Variants in RPS6KA3 observed in about 807,000 individuals in gnomAD.
The protein encoded by RPS6KA3 is ribosomal protein S6 kinase alpha-3.
Under a neutral mutation model 67.2 loss-of-function variants are expected in RPS6KA3, and 4 were observed. That is an observed-to-expected ratio of 0.06 (90% CI 0.03 to 0.14). The LOEUF (loss-of-function observed/expected upper bound fraction) is 0.14, where lower values mean the gene tolerates loss of function less well. Ranked by LOEUF, RPS6KA3 falls within the 10% of genes least tolerant of loss-of-function variation. RPS6KA3 has a pLI of 1.00. For missense variants in RPS6KA3, 204 were observed against 559.0 expected, an observed-to-expected ratio of 0.36 and a Z score of 6.40; for synonymous variants, 182 against 183.7, an observed-to-expected ratio of 0.99 and a Z score of 0.07.
At chrX:20,184,482 T>G (rs1869820649) in intron 10 of RPS6KA3, among the ~76,000 whole-genome samples, 1 of 106,476 alleles carries the variant, frequency 9.4e-6, no homozygotes, top group East Asian at 2.9e-4. Context: ...CAGGGCTCAC[T>G]GCAGTCTTGA....
At chrX:20,179,920 T>C (rs1429260815) in intron 10 of RPS6KA3, among the ~76,000 whole-genome samples, 2 of 108,937 alleles carry the variant, frequency 1.8e-5, no homozygotes, top group Admixed American at 2.0e-4. Flanking sequence ...CAAGATACCA[T>C]CTGTACAAAA....
At chrX:20,248,172 T>C (rs1434058352) in intron 1 of RPS6KA3, among the ~76,000 whole-genome samples, 2 of 112,382 alleles carry the variant, frequency 1.8e-5, no homozygotes, top group African/African-American at 6.5e-5. Context: ...TAATAAACCT[T>C]TTTAGTGGAT....
At chrX:20,178,184 C>T (rs1399628651) in intron 10 of RPS6KA3, among the ~76,000 whole-genome samples, 4 of 111,615 alleles carry the variant, frequency 3.6e-5, no homozygotes. Context: ...CATTAAGAGA[C>T]AAATGCAGAA....
intron 4 of RPS6KA3, among the ~76,000 whole-genome samples, chrX:20,201,899 G>C (rs896323289): frequency 2.8e-5 from 3 of 107,865 alleles, no homozygotes; most frequent in African/African-American, 1.0e-4. Flanking sequence ...TCCTAGATGT[G>C]TTAAGTTGTA....
intron 1 of RPS6KA3, chrX:20,240,674 A>C: frequency 6.8e-6 from 1 of 147,906 alleles, no homozygotes; most frequent in Non-Finnish European, 1.2e-5. Flanking sequence ...ATTATACTGA[A>C]AAATAGAAAA....
chrX:20,247,384 C>T (rs997892431), intron 1 of RPS6KA3, among the ~76,000 whole-genome samples: 4 of 111,521 alleles, frequency 3.6e-5, no homozygotes, highest in South Asian at 3.7e-4. Flanking sequence ...GAGCTGAGAT[C>T]GTGCCTCTAT....
chrX:20,233,397 T>C (rs1346143212), intron 2 of RPS6KA3, among the ~76,000 whole-genome samples: 1 of 110,756 alleles, frequency 9.0e-6, no homozygotes, highest in Non-Finnish European at 1.9e-5. Context: ...ACATTAAATA[T>C]AGGATATTCA....
At chrX:20,195,735 A>G (rs958990643) in intron 4 of RPS6KA3, among the ~76,000 whole-genome samples, 1 of 112,108 alleles carries the variant, frequency 8.9e-6, no homozygotes, top group African/African-American at 3.2e-5. Context: ...AGATCTGTGT[A>G]ATCTTTTTTT....
At position 20,152,276 on chromosome X, in the gene RPS6KA3, T is replaced by C. The variant is rs188510492; in HGVS notation, c.*3122A>G. 1 of 111,892 alleles carries C rather than the reference T, an allele frequency of 8.9e-6. No homozygotes were observed. Among genetic ancestry groups the C allele is most frequent in the African/African-American group, 3.3e-5 (1 of 30,709 alleles). 9.2% of individuals were successfully genotyped at this position (111,892 alleles called of 1,213,427 possible). On this transcript the variant is annotated 3_prime_UTR_variant, in exon 22 of 22. Transcript: ENST00000379565. ...TTGCATTAGAAATAAGACACCTCTATAAACCAGAAAAAGCTGAAATGATTT... is the reference window on the plus strand; with the variant it reads ...TTGCATTAGAAATAAGACACCTCTACAAACCAGAAAAAGCTGAAATGATTT...
chrX:20,245,169 C>T (rs1208095918), intron 1 of RPS6KA3, among the ~76,000 whole-genome samples: 1 of 112,060 alleles, frequency 8.9e-6, no homozygotes, highest in Non-Finnish European at 1.9e-5. Flanking sequence ...GTTGTGGTTG[C>T]TTCATCCATA....
intron 20 of RPS6KA3, among the ~76,000 whole-genome samples, chrX:20,159,375 T>C (rs1308534500): frequency 2.7e-5 from 3 of 112,446 alleles, no homozygotes; most frequent in African/African-American, 9.7e-5. Flanking sequence ...AAGCCACATA[T>C]GGCCCACATG....
intron 2 of RPS6KA3, among the ~76,000 whole-genome samples, chrX:20,213,429 A>G (rs1271940758): frequency 3.6e-5 from 4 of 111,794 alleles, no homozygotes; most frequent in Admixed American, 2.8e-4. Flanking sequence ...TTTGGTAATT[A>G]TATTACCTTT....
chrX:20,252,835 C>T (rs2069918283), intron 1 of RPS6KA3, among the ~76,000 whole-genome samples: 1 of 111,551 alleles, frequency 9.0e-6, no homozygotes, highest in African/African-American at 3.3e-5. Flanking sequence ...AGGCTCAGTT[C>T]TCCACTGGGC....
intron 3 of RPS6KA3, among the ~76,000 whole-genome samples, chrX:20,208,015 C>A (rs142569136): frequency 2.7e-5 from 3 of 111,686 alleles, no homozygotes; most frequent in Non-Finnish European, 5.6e-5. Flanking sequence ...ACAATCTAGA[C>A]CAGTGATCCC....
intron 3 of RPS6KA3, 24 bp downstream of exon 3, chrX:20,209,264 A>G: frequency 1.1e-6 from 1 of 880,730 alleles, no homozygotes; most frequent in Non-Finnish European, 1.7e-6. Context: ...ACAACTCTTA[A>G]AAAAGCACAC....
Position 20,209,683 on chromosome X carries a change from T to C in RPS6KA3, c.127-279A>G, listed in dbSNP as rs2068661052. Among the ~76,000 whole-genome samples the C allele has an allele frequency of 3.6e-5, 4 of 112,036 alleles. No homozygotes were observed. The South Asian group carries it at 1.5e-3, about 42-fold the overall frequency. ...TTAACCTCTACATGACATTTAGTAC[T>C]AAGTATTTCCAAGTCTTCATTCTCT... On this transcript the variant is annotated intron_variant, in intron 2 of 21. Transcript: ENST00000379565.
chrX:20,181,336 C>A (rs746319954), intron 10 of RPS6KA3, among the ~76,000 whole-genome samples: 51 of 110,330 alleles, frequency 4.6e-4, no homozygotes, highest in Non-Finnish European at 8.1e-4. Flanking sequence ...AAAAGGGGAA[C>A]GGTTAGAGAG....
chrX:20,254,560 T>C lies in RPS6KA3; in HGVS notation c.69+12004A>G, dbSNP rs941235596. Among the ~76,000 whole-genome samples, 4 of 111,977 alleles carry C rather than the reference T, an allele frequency of 3.6e-5. No individual in the cohort carries two copies. In the East Asian group the frequency reaches 1.1e-3, roughly 31 times the overall value. On this transcript the variant is annotated intron_variant, in intron 1 of 21. Coordinates refer to ENST00000379565, the MANE Select transcript of RPS6KA3 (RefSeq NM_004586.3). ...TAGGAAAAGCCTTGTATTTATCAAA[T>C]CTAAAAAGAAAGAAAATATCTTAAA...
intron 1 of RPS6KA3, among the ~76,000 whole-genome samples, chrX:20,240,845 T>C (rs2069532304): frequency 9.0e-6 from 1 of 110,953 alleles, no homozygotes; most frequent in African/African-American, 3.3e-5. Context: ...CAAAACTATA[T>C]AGTATGACCC....
Sources: allele counts gnomAD v4.1 joint callset (sites outside exome capture counted in the v4.1 genomes callset), GRCh38; gene constraint gnomAD v4.1.1; transcripts MANE v1.5; gene names NCBI Gene and HGNC (gene_info 2026-07-23, HGNC 2026-07-21).